ST6GAL1: variants seen among roughly 807,000 people sequenced by gnomAD.
ST6GAL1 encodes the protein beta-galactoside alpha-2,6-sialyltransferase 1.
ST6GAL1 carries 20 observed loss-of-function variants against 38.0 expected under a neutral mutation model. That is an observed-to-expected ratio of 0.53 (90% CI 0.37 to 0.77). The LOEUF (loss-of-function observed/expected upper bound fraction) is 0.77. Ranked by LOEUF, ST6GAL1 falls within the 30% of genes least tolerant of loss-of-function variation. The probability of loss-of-function intolerance (pLI) is 0.00; values close to 1 mark genes in which losing one functional copy is unlikely to be tolerated. For synonymous variants in ST6GAL1, 196 were observed against 188.2 expected, an observed-to-expected ratio of 1.04 and a Z score of -0.34; for missense variants, 432 against 496.4, an observed-to-expected ratio of 0.87 and a Z score of 1.23.
intron 5 of ST6GAL1, among the ~76,000 whole-genome samples, chr3:187,070,235 A>G (rs1171547394): frequency 1.3e-5 from 2 of 152,088 alleles, no homozygotes; most frequent in East Asian, 3.9e-4. Flanking sequence ...GCCATGTGCA[A>G]AAGTAAAAAC....
At chr3:187,023,805 A>C (rs1717416740) in intron 2 of ST6GAL1, among the ~76,000 whole-genome samples, 1 of 152,014 alleles carries the variant, frequency 6.6e-6, no homozygotes, top group Admixed American at 6.6e-5. Context: ...TAATGGGTGC[A>C]GCACACCAAC....
intron 1 of ST6GAL1, among the ~76,000 whole-genome samples, chr3:186,934,513 G>A (rs566909755): frequency 1.3e-5 from 2 of 150,182 alleles, no homozygotes; most frequent in African/African-American, 4.9e-5. Context: ...AGTGAGCCGC[G>A]ATCTCACCAC....
chr3:187,058,930 C>T (rs149735056), intron 5 of ST6GAL1, among the ~76,000 whole-genome samples: 4 of 152,210 alleles, frequency 2.6e-5, no homozygotes, highest in East Asian at 3.9e-4. Flanking sequence ...CGTGAGCCAT[C>T]GTGCCTGGCC....
At chr3:186,997,118 A>G (rs1716440044) in intron 2 of ST6GAL1, among the ~76,000 whole-genome samples, 1 of 151,996 alleles carries the variant, frequency 6.6e-6, no homozygotes. Context: ...TTAAGTAATA[A>G]TATAATATGG....
intron 2 of ST6GAL1, among the ~76,000 whole-genome samples, chr3:187,023,916 A>G (rs138191286): frequency 6.6e-6 from 1 of 151,482 alleles, no homozygotes; most frequent in Non-Finnish European, 1.5e-5. Context: ...GAATGAACCT[A>G]TCGCATGAGT....
At chr3:186,940,725 A>G (rs1714137604) in intron 1 of ST6GAL1, among the ~76,000 whole-genome samples, 1 of 150,050 alleles carries the variant, frequency 6.7e-6, no homozygotes, top group African/African-American at 2.5e-5. Context: ...ATACTAGTCC[A>G]TTTACAAACT....
At chr3:187,013,906 ATGAACATCAAGGT>A (rs1717039219) in intron 2 of ST6GAL1, among the ~76,000 whole-genome samples, 2 of 152,128 alleles carry the variant, frequency 1.3e-5, no homozygotes, top group Admixed American at 1.3e-4. Context: ...TTTTGTTGAG[ATGAACATCAAGGT>A]CTCGTGTTTA....
At chr3:186,946,927 G>A (rs1714391368) in intron 1 of ST6GAL1, among the ~76,000 whole-genome samples, 1 of 152,138 alleles carries the variant, frequency 6.6e-6, no homozygotes, top group African/African-American at 2.4e-5. Context: ...CAGATGGACA[G>A]CTGGGGATTG....
At chr3:187,047,966 A>G (rs1298680842) in intron 4 of ST6GAL1, among the ~76,000 whole-genome samples, 1 of 146,428 alleles carries the variant, frequency 6.8e-6, no homozygotes, top group Non-Finnish European at 1.5e-5. Flanking sequence ...TTTTTGAGAC[A>G]GAGTCTTGCT....
chr3:186,945,029 T>A (rs1177537989), intron 1 of ST6GAL1, among the ~76,000 whole-genome samples: 1 of 152,110 alleles, frequency 6.6e-6, no homozygotes, highest in Non-Finnish European at 1.5e-5. Flanking sequence ...ACTGAACAGG[T>A]TTACAGAGGC....
Position 187,042,874 on chromosome 3 carries a change from G to A in ST6GAL1, c.171G>A (p.Gly57=), listed in dbSNP as rs1467650573. 1 of 1,614,058 alleles carries A rather than the reference G, an allele frequency of 6.2e-7. No individual in the cohort carries two copies. Among genetic ancestry groups the A allele is most frequent in the Non-Finnish European group, 8.5e-7 (1 of 1,180,030 alleles). ...AGAGTCTGGGGAAATTGGCCATGGG[G>A]TCTGATTCCCAGTCTGTATCCTCAA... ...VLKSLGKLAM[G]SDSQSVSSSS... is the part of the protein sequence containing the mutation. The change falls in exon 4 of 8, where the codon GGG becomes GGA. Residue 57 remains glycine, a synonymous_variant. Transcript: ENST00000169298.
chr3:187,012,120 C>G (rs1716973798), intron 2 of ST6GAL1, among the ~76,000 whole-genome samples: 1 of 152,166 alleles, frequency 6.6e-6, no homozygotes, highest in Admixed American at 6.5e-5. Flanking sequence ...CGTGCTCTTG[C>G]TACACATCTG....
intron 2 of ST6GAL1, among the ~76,000 whole-genome samples, chr3:186,970,684 CTCA>C (rs1372085799): frequency 6.6e-6 from 1 of 152,082 alleles, no homozygotes; most frequent in African/African-American, 2.4e-5. Flanking sequence ...CTTTTTTGCA[CTCA>C]TCATAATGCC....
chr3:187,051,493 CAA>C, intron 5 of ST6GAL1, 147 bp downstream of exon 5: 1 of 674,148 alleles, frequency 1.5e-6, no homozygotes, highest in African/African-American at 1.8e-5. Context: ...GAGAAGAAGA[CAA>C]TGATTCCATG....
At chr3:186,986,771 C>T (rs1715937959) in intron 2 of ST6GAL1, 1 of 152,054 alleles carries the variant, frequency 6.6e-6, no homozygotes, top group Admixed American at 6.6e-5. Flanking sequence ...GGCGGAAAGA[C>T]CCCAGACTTG....
rs112067764 is a variant in ST6GAL1 at position 186,958,051 on chromosome 3, T to TA, written c.-324-5720dup. 4.1e-3 allele frequency among the ~76,000 whole-genome samples: 582 copies of TA among 141,328 alleles called. 5 individuals are homozygous for TA. Among genetic ancestry groups the TA allele is most frequent in the Middle Eastern group, 3.6e-3 (1 of 274 alleles). The allele number at this position is 141,328 out of a possible 152,430, so 92.7% of individuals were successfully genotyped here. A position where few individuals can be genotyped will look rare whatever the true frequency, so the allele number is the denominator to read the frequency against. ...TTCCAGAAGGGAGATTTTTAAGAAT[T>TA]AAAAAAAAAAAAAAGATTAGTACAT... On this transcript the variant is annotated intron_variant, in intron 1 of 7. Coordinates refer to ENST00000169298, the MANE Select transcript of ST6GAL1 (RefSeq NM_173216.2).
intron 2 of ST6GAL1, among the ~76,000 whole-genome samples, chr3:187,017,047 A>T (rs182885298): frequency 1.5e-4 from 23 of 152,328 alleles, no homozygotes; most frequent in Admixed American, 9.1e-4. Context: ...GTGTAGCCTG[A>T]AATTCCTGGG....
chr3:187,029,323 T>A (rs1717658884), intron 2 of ST6GAL1, among the ~76,000 whole-genome samples: 2 of 152,156 alleles, frequency 1.3e-5, no homozygotes, highest in South Asian at 4.1e-4. Context: ...GGGTGAGGTT[T>A]TCTAGAACAA....
chr3:186,946,131 C>T (rs1006110962), intron 1 of ST6GAL1, among the ~76,000 whole-genome samples: 4 of 151,854 alleles, frequency 2.6e-5, no homozygotes. Flanking sequence ...CATGGTGAAA[C>T]CCCGTCTCTA....
Sources: gnomAD v4.1 joint callset for allele counts (sites outside exome capture counted in the v4.1 genomes callset) on GRCh38, gnomAD v4.1.1 for gene constraint, MANE v1.5 for transcripts, NCBI Gene and HGNC (gene_info 2026-07-23, HGNC 2026-07-21) for gene names.